NHS: variants seen among roughly 807,000 people sequenced by gnomAD.
NHS encodes the protein NHS actin remodeling regulator.
Under a neutral mutation model 72.5 loss-of-function variants are expected in NHS, and 5 were observed. The ratio of observed to expected loss-of-function variants is 0.07; its 90% CI spans 0.04 to 0.14. NHS has a LOEUF of 0.14. Among genes scored for constraint, NHS ranks in the 10% least tolerant of loss-of-function variants. NHS has a pLI of 1.00. For synonymous variants in NHS, 464 were observed against 547.7 expected (o/e 0.85, Z 2.13); for missense variants, 1,072 against 1,355.7 (o/e 0.79, Z 3.29).
intron 1 of NHS, among the ~76,000 whole-genome samples, chrX:17,488,136 G>A (rs373040872): frequency 3.7e-4 from 41 of 111,349 alleles, no homozygotes; most frequent in African/African-American, 1.1e-3. Context: ...AGGAGTTTCC[G>A]CTACGGGTAG....
chrX:17,458,508 C>T (rs181022084), intron 1 of NHS, among the ~76,000 whole-genome samples: 139 of 110,507 alleles, frequency 1.3e-3, no homozygotes, highest in African/African-American at 4.0e-3. Context: ...GGATTACAGG[C>T]GCGAGAGGGA....
intron 1 of NHS, among the ~76,000 whole-genome samples, chrX:17,565,598 G>A (rs1038700500): frequency 1.8e-4 from 20 of 111,990 alleles, no homozygotes; most frequent in Non-Finnish European, 2.3e-4. Context: ...AATGCCTCAT[G>A]CCTTCACACC....
At chrX:17,389,103 A>G (rs143130816) in intron 1 of NHS, among the ~76,000 whole-genome samples, 34 of 112,174 alleles carry the variant, frequency 3.0e-4, no homozygotes, top group African/African-American at 1.1e-3. Flanking sequence ...GGAAAAATTT[A>G]AAAAGTGTCC....
chrX:17,680,857 T>C (rs1448478985), intron 1 of NHS, among the ~76,000 whole-genome samples: 1 of 112,302 alleles, frequency 8.9e-6, no homozygotes, highest in Admixed American at 9.4e-5. Context: ...CTGTGACAGA[T>C]GACTATGTGC....
chrX:17,489,374 T>C (rs1318219644), intron 1 of NHS, among the ~76,000 whole-genome samples: 1 of 112,528 alleles, frequency 8.9e-6, no homozygotes, highest in Non-Finnish European at 1.9e-5. Context: ...CACACTGACT[T>C]CCACAATGGT....
chrX:17,543,181 G>T (rs1285794604), intron 1 of NHS, among the ~76,000 whole-genome samples: 1 of 111,360 alleles, frequency 9.0e-6, no homozygotes, highest in Non-Finnish European at 1.9e-5. Flanking sequence ...GGTGATGTTG[G>T]CCCACGGGTC....
In NHS at chrX:17,566,090, C is replaced by T. The variant is rs146384945; in HGVS notation, c.566-121652C>T. 5.2e-3 allele frequency among the ~76,000 whole-genome samples: 570 copies of T among 109,379 alleles called. 5 individuals carry two copies. Among genetic ancestry groups the T allele is most frequent in the African/African-American group, 0.018 (551 of 29,901 alleles). The allele number at this position is 109,379 out of a possible 115,157, so 95.0% of individuals were successfully genotyped here. On this transcript the variant is annotated intron_variant, in intron 1 of 8. Coordinates refer to ENST00000676302, the MANE Select transcript of NHS (RefSeq NM_001291867.2). ...ACCACTCTGGGCTGAAGCAATTCTC[C>T]CACCTCAGTCTCCTGAATAGCTGGG...
chrX:17,691,595 C>A (rs1219620823), intron 2 of NHS, among the ~76,000 whole-genome samples: 4 of 111,299 alleles, frequency 3.6e-5, no homozygotes, highest in African/African-American at 1.3e-4. Flanking sequence ...TTCAAGAGTG[C>A]TCAGTTCCTA....
At chrX:17,708,788 G>A (rs1315979834) in intron 3 of NHS, among the ~76,000 whole-genome samples, 1 of 111,152 alleles carries the variant, frequency 9.0e-6, no homozygotes, top group African/African-American at 3.3e-5. Flanking sequence ...TGCTTTGGCT[G>A]GTAAGAAAAG....
intron 1 of NHS, among the ~76,000 whole-genome samples, chrX:17,509,484 C>T (rs1205914803): frequency 8.9e-6 from 1 of 112,249 alleles, no homozygotes; most frequent in Admixed American, 9.4e-5. Context: ...GCCTTGGTCC[C>T]CCAAAGTGCT....
intron 1 of NHS, among the ~76,000 whole-genome samples, chrX:17,597,574 A>G (rs1487736953): frequency 9.1e-6 from 1 of 110,347 alleles, no homozygotes; most frequent in Non-Finnish European, 1.9e-5. Context: ...AATTAGTGGG[A>G]TATTCCTGGA....
At chrX:17,586,456 T>C (rs2065576477) in intron 1 of NHS, 1 of 112,367 alleles carries the variant, frequency 8.9e-6, no homozygotes, top group Non-Finnish European at 1.9e-5. Context: ...TTAATAATAA[T>C]AAGATGCCTG....
At chrX:17,386,190 C>T (rs184659221) in intron 1 of NHS, among the ~76,000 whole-genome samples, 1 of 112,125 alleles carries the variant, frequency 8.9e-6, no homozygotes, top group Non-Finnish European at 1.9e-5. Flanking sequence ...TTTTCTAGAA[C>T]ATCTTTTAAG....
rs1267519206 is a variant in NHS at position 17,726,073 on chromosome X, C to T, written c.1967C>T (p.Pro656Leu). The T allele has an allele frequency of 8.3e-7, 1 of 1,210,198 alleles. No individual in the cohort carries two copies. The highest frequency in any genetic ancestry group is 1.7e-5 in the African/African-American group (1 of 57,179). ...ACCATCCCTCCTGCAGCTTCTCCTC[C>T]ACTCACTGGCTCTTCACACTGTGAC... ...SETIPPAASP[P>L]LTGSSHCDSE... Residue 656 changes from proline (P) to leucine (L), a missense_variant, in exon 7 of 9, where the codon CCA becomes CTA. Physicochemically the swap from Pro to Leu is moderately conservative, Grantham distance 98. Coordinates refer to ENST00000676302, the MANE Select transcript of NHS (RefSeq NM_001291867.2).
chrX:17,570,267 G>T (rs1259570475), intron 1 of NHS, among the ~76,000 whole-genome samples: 1 of 112,067 alleles, frequency 8.9e-6, no homozygotes, highest in African/African-American at 3.2e-5. Flanking sequence ...GAGCAGTAAG[G>T]CCGTTTTCAC....
At chrX:17,500,802 G>C (rs1387898581) in intron 1 of NHS, among the ~76,000 whole-genome samples, 1 of 111,712 alleles carries the variant, frequency 9.0e-6, no homozygotes, top group Non-Finnish European at 1.9e-5. Context: ...TTTGAATCTT[G>C]ATTCCAGTGC....
chrX:17,561,578 A>G (rs756442149), intron 1 of NHS, among the ~76,000 whole-genome samples: 1,772 of 66,232 alleles, frequency 0.027, 25 homozygotes, highest in Middle Eastern at 0.045. Flanking sequence ...GCGCGCGCAC[A>G]CACACACACA....
chrX:17,540,963 T>G (rs2065259588), intron 1 of NHS, among the ~76,000 whole-genome samples: 1 of 111,729 alleles, frequency 9.0e-6, no homozygotes, highest in East Asian at 2.8e-4. Flanking sequence ...TCTCAGCTAC[T>G]TGGGAGGCTG....
At chrX:17,719,978 TTCTCTCTCTC>T (rs761843999) in intron 4 of NHS, among the ~76,000 whole-genome samples, 1 of 108,084 alleles carries the variant, frequency 9.3e-6, no homozygotes, top group African/African-American at 3.3e-5. Context: ...CTCAATCAGT[TTCTCTCTCTC>T]TCTCTCTCTG....
Sources: allele counts gnomAD v4.1 joint callset (sites outside exome capture counted in the v4.1 genomes callset), GRCh38; gene constraint gnomAD v4.1.1; transcripts MANE v1.5; gene names NCBI Gene and HGNC (gene_info 2026-07-23, HGNC 2026-07-21).